The following DAB2IP variants were observed in gnomAD, a reference collection of about 807,000 sequenced individuals.
DAB2IP encodes the protein disabled homolog 2-interacting protein.
DAB2IP carries 28 observed loss-of-function variants against 107.2 expected under a neutral mutation model. That is an observed-to-expected ratio of 0.26 (90% CI 0.19 to 0.36). The LOEUF is 0.36. Ranked by LOEUF, DAB2IP falls within the 10% of genes least tolerant of loss-of-function variation. DAB2IP has a pLI of 1.00. For missense variants in DAB2IP, 1,400 were observed against 1,644.7 expected (o/e 0.85, Z 2.57); for synonymous variants, 755 against 706.4 (o/e 1.07, Z -1.09).
intron 3 of DAB2IP, chr9:121,737,313 C>T (rs1223570936): frequency 3.3e-5 from 33 of 985,316 alleles, no homozygotes; most frequent in East Asian, 1.1e-4. Flanking sequence ...GCATGGAAGA[C>T]GGTAATTTTC....
At chr9:121,717,432 CTATT>C (rs1434483075) in intron 3 of DAB2IP, among the ~76,000 whole-genome samples, 3 of 152,250 alleles carry the variant, frequency 2.0e-5, no homozygotes, top group Admixed American at 6.5e-5. Flanking sequence ...TTACAGAAAA[CTATT>C]TAACGCGCTT....
intron 2 of DAB2IP, among the ~76,000 whole-genome samples, chr9:121,690,873 C>T (rs1224492041): frequency 6.6e-6 from 1 of 152,138 alleles, no homozygotes; most frequent in Non-Finnish European, 1.5e-5. Flanking sequence ...GTGATAACTC[C>T]AGGGGCCTCC....
Position 121,702,039 on chromosome 9 carries a change from G to A in DAB2IP, c.362+2581G>A, listed in dbSNP as rs1186545802. Among the ~76,000 whole-genome samples the A allele has an allele frequency of 6.6e-6, 1 of 152,180 alleles. No individual in the cohort carries two copies. The highest frequency in any genetic ancestry group is 1.5e-5 in the Non-Finnish European group (1 of 68,034). On this transcript the variant is annotated intron_variant, in intron 3 of 15. Transcript: ENST00000408936. This position sits in a 1 kb window ranked among gnomAD's most constrained non-coding sequence, Gnocchi z 4.5. ...GGGGCTTCTAGGGTGTCGAGCGGGA[G>A]TCCTGGTCCCCATGGCCTTCCCGTG...
intron 1 of DAB2IP, among the ~76,000 whole-genome samples, chr9:121,639,958 T>G (rs1359785435): frequency 2.6e-5 from 4 of 152,076 alleles, no homozygotes; most frequent in African/African-American, 9.7e-5. Context: ...TGTCTGCACT[T>G]TAACCCACAT....
At chr9:121,703,435 GA>G (rs1829886071) in intron 3 of DAB2IP, among the ~76,000 whole-genome samples, 1 of 152,150 alleles carries the variant, frequency 6.6e-6, no homozygotes, top group South Asian at 2.1e-4. Flanking sequence ...ATGTCAAGAT[GA>G]TAGTGCAGTT....
chr9:121,615,150 G>A (rs992420970), intron 1 of DAB2IP, among the ~76,000 whole-genome samples: 1 of 152,084 alleles, frequency 6.6e-6, no homozygotes, highest in African/African-American at 2.4e-5. Flanking sequence ...AATAGTTGTC[G>A]GCCCAAGTAT....
At position 121,698,362 on chromosome 9, in the gene DAB2IP, T is replaced by C. The variant is rs1259905614; in HGVS notation, c.229-963T>C. ...TATCCCGTCACCTGTAAAGGGAAGA[T>C]TGGTTTGACCTGTGTGTATTGAACG... On this transcript the variant is annotated intron_variant, in intron 2 of 15. Transcript: ENST00000408936. The surrounding 1 kb of genome is among the most constrained non-coding windows in gnomAD (Gnocchi z 4.1). Among the ~76,000 whole-genome samples, 1 of 152,160 alleles carries C rather than the reference T, an allele frequency of 6.6e-6. No individual in the cohort carries two copies. The highest frequency in any genetic ancestry group is 1.5e-5 in the Non-Finnish European group (1 of 68,032).
chr9:121,777,851 C>T (rs1564233342), intron 14 of DAB2IP, among the ~76,000 whole-genome samples: 2 of 152,016 alleles, frequency 1.3e-5, no homozygotes, highest in South Asian at 4.2e-4. Flanking sequence ...GTTGAATTAA[C>T]CTCTTTGTCA....
intron 1 of DAB2IP, among the ~76,000 whole-genome samples, chr9:121,663,471 C>T (rs765650168): frequency 8.5e-5 from 13 of 152,142 alleles, no homozygotes; most frequent in Non-Finnish European, 1.8e-4. Flanking sequence ...GAGGATCCTC[C>T]GGGCAGGAAT....
chr9:121,709,569 C>T (rs759980311), intron 3 of DAB2IP, among the ~76,000 whole-genome samples: 4 of 152,188 alleles, frequency 2.6e-5, no homozygotes, highest in Non-Finnish European at 4.4e-5. Flanking sequence ...TCATAAGTGG[C>T]AGAGCTGGGT....
At chr9:121,604,847 G>T (rs1830813127) in intron 1 of DAB2IP, among the ~76,000 whole-genome samples, 1 of 152,134 alleles carries the variant, frequency 6.6e-6, no homozygotes, top group Non-Finnish European at 1.5e-5. Flanking sequence ...TTTGAATCAG[G>T]CATGATTTTT....
At position 121,684,756 on chromosome 9, in the gene DAB2IP, G is replaced by C. The variant is rs1192118439; in HGVS notation, c.228+5975G>C. On this transcript the variant is annotated intron_variant, in intron 2 of 15. Transcript: ENST00000408936. The surrounding 1 kb of genome is among the most constrained non-coding windows in gnomAD (Gnocchi z 4.0). ...GGTGGGGAACAGAAAAGCCAGCCAGGCTCACAGATCAGACAAGCCAGATCT... is the reference window on the plus strand; with the variant it reads ...GGTGGGGAACAGAAAAGCCAGCCAGCCTCACAGATCAGACAAGCCAGATCT... 6.6e-6 allele frequency among the ~76,000 whole-genome samples: 1 copy of C among 152,202 alleles called. No homozygotes were observed. The highest frequency in any genetic ancestry group is 1.5e-5 in the Non-Finnish European group (1 of 68,030).
chr9:121,754,836 C>T (rs1439774722), intron 3 of DAB2IP, among the ~76,000 whole-genome samples: 1 of 152,204 alleles, frequency 6.6e-6, no homozygotes, highest in East Asian at 1.9e-4. Flanking sequence ...TCTCCACAGC[C>T]AGCTCATTCA....
Position 121,656,194 on chromosome 9 carries a change from G to C in DAB2IP, c.124+4295G>C, listed in dbSNP as rs573862854. Among the ~76,000 whole-genome samples, 116 of 152,262 alleles carry C rather than the reference G, an allele frequency of 7.6e-4. 1 individual carries two copies. The highest frequency in any genetic ancestry group is 2.1e-3 in the Admixed American group (32 of 15,304). On this transcript the variant is annotated intron_variant, in intron 1 of 15. Transcript: ENST00000408936. ...CGGCTAATTTTGTATTTTCAGTAGA[G>C]ACGGGGTTTCTCCATGTTGGTCAGG...
chr9:121,674,485 G>A (rs576404123), intron 1 of DAB2IP, among the ~76,000 whole-genome samples: 1 of 152,282 alleles, frequency 6.6e-6, no homozygotes, highest in African/African-American at 2.4e-5. Context: ...GCAGGAGGGA[G>A]AGTGGGCCCC....
intron 1 of DAB2IP, among the ~76,000 whole-genome samples, chr9:121,655,989 G>A (rs1440851130): frequency 6.6e-6 from 1 of 151,822 alleles, no homozygotes; most frequent in African/African-American, 2.4e-5. Context: ...ATGGGGGGTG[G>A]GTAACTTCTC....
chr9:121,748,954 A>G (rs891644848), intron 3 of DAB2IP, among the ~76,000 whole-genome samples: 2 of 152,156 alleles, frequency 1.3e-5, no homozygotes, highest in Non-Finnish European at 2.9e-5. Flanking sequence ...GGTCTTGGTG[A>G]CTGCTAGGAC....
intron 2 of DAB2IP, among the ~76,000 whole-genome samples, chr9:121,680,636 C>T (rs1160661112): frequency 2.0e-5 from 3 of 152,020 alleles, no homozygotes; most frequent in African/African-American, 4.8e-5. Flanking sequence ...CCCTAGGGAA[C>T]GATGACTAAT....
intron 1 of DAB2IP, among the ~76,000 whole-genome samples, chr9:121,670,665 C>T (rs1174852900): frequency 6.6e-6 from 1 of 152,232 alleles, no homozygotes; most frequent in African/African-American, 2.4e-5. Context: ...TCTCCTGCCT[C>T]TTTCCTCATC....
Sources: gnomAD v4.1 joint callset for allele counts (sites outside exome capture counted in the v4.1 genomes callset) on GRCh38, gnomAD v4.1.1 for gene constraint, Gnocchi (gnomAD v3.1) non-coding constraint, MANE v1.5 for transcripts, NCBI Gene and HGNC (gene_info 2026-07-23, HGNC 2026-07-21) for gene names.